The following IARS1 variants were observed in gnomAD, a reference collection of about 807,000 sequenced individuals.
IARS1 encodes isoleucyl-tRNA synthetase 1.
In IARS1, 124 loss-of-function variants were observed where a neutral mutation model predicts 168.2. The ratio of observed to expected loss-of-function variants is 0.74; its 90% confidence interval spans 0.64 to 0.86. The LOEUF (loss-of-function observed/expected upper bound fraction) is 0.86, where lower values mean the gene tolerates loss of function less well. Ranked by LOEUF, IARS1 falls within the 40% of genes least tolerant of loss-of-function variation. IARS1 has a pLI of 0.00. For synonymous variants in IARS1, 532 were observed against 529.4 expected (o/e 1.00, Z -0.07); for missense variants, 1,452 against 1,515.8 (o/e 0.96, Z 0.70).
intron 13 of IARS1, 88 bp from the exon 14 acceptor site, chr9:92,268,388 GCTTTGTGGACCAAACA>G: frequency 3.7e-6 from 5 of 1,349,570 alleles, no homozygotes; most frequent in Non-Finnish European, 5.2e-6. Flanking sequence ...TTTGTATAAC[GCTTTGTGGACCAAACA>G]CTCTGGAAAC....
chr9:92,210,958 T>C (rs1348331637), intron 33 of IARS1, 69 bp from the exon 34 acceptor site: 2 of 984,042 alleles, frequency 2.0e-6, no homozygotes, highest in African/African-American at 1.6e-5. Context: ...TTTAAAAAAA[T>C]GTTAACTGCT....
At chr9:92,214,465 G>A (rs1201299077) in intron 33 of IARS1, among the ~76,000 whole-genome samples, 2 of 152,154 alleles carry the variant, frequency 1.3e-5, no homozygotes, top group African/African-American at 4.8e-5. Flanking sequence ...CTCCCAGGGT[G>A]AGCGATGCAG....
chr9:92,284,461 C>T (rs1486210221), intron 6 of IARS1, among the ~76,000 whole-genome samples: 1 of 151,514 alleles, frequency 6.6e-6, no homozygotes, highest in Non-Finnish European at 1.5e-5. Context: ...TTTGCATGTC[C>T]CTGAAACTGT....
intron 7 of IARS1, among the ~76,000 whole-genome samples, chr9:92,279,579 A>G (rs761833335): frequency 6.6e-6 from 1 of 152,156 alleles, no homozygotes. Context: ...CTGGCACCCA[A>G]TCTTTCCCCA....
intron 24 of IARS1, 52 bp downstream of exon 24, chr9:92,250,135 C>T (rs1829795963): frequency 1.7e-6 from 2 of 1,201,054 alleles, no homozygotes; most frequent in Non-Finnish European, 1.2e-6. Flanking sequence ...GCATTCCAAA[C>T]ACTTAATTAA....
At chr9:92,289,171 C>T in intron 2 of IARS1, 130 bp downstream of exon 2, 1 of 521,872 alleles carries the variant, frequency 1.9e-6, no homozygotes. Context: ...TGCACCACTG[C>T]CCTCCAGCCT....
chr9:92,213,445 TG>T (rs1329622912), intron 33 of IARS1, among the ~76,000 whole-genome samples: 1 of 152,182 alleles, frequency 6.6e-6, no homozygotes, highest in Non-Finnish European at 1.5e-5. Context: ...CCAGGAGCTG[TG>T]AATGTTCACT....
intron 1 of IARS1, among the ~76,000 whole-genome samples, chr9:92,291,851 AC>A: frequency 6.6e-6 from 1 of 152,290 alleles, no homozygotes. Context: ...CCTCGCACCT[AC>A]GAGTCAGAAC....
chr9:92,228,976 T>C (rs758575339), intron 31 of IARS1, 25 bp downstream of exon 31: 2 of 1,613,430 alleles, frequency 1.2e-6, no homozygotes, highest in Non-Finnish European at 1.7e-6. Context: ...TCAAAGGACG[T>C]AGGCTCCTCT....
intron 18 of IARS1, among the ~76,000 whole-genome samples, chr9:92,259,809 A>T (rs1161562153): frequency 6.6e-6 from 1 of 152,204 alleles, no homozygotes; most frequent in African/African-American, 2.4e-5. Flanking sequence ...AATTAAAACA[A>T]ATGATGAAAG....
intron 30 of IARS1, among the ~76,000 whole-genome samples, chr9:92,232,408 T>C (rs1375050047): frequency 6.6e-6 from 1 of 152,194 alleles, no homozygotes; most frequent in East Asian, 1.9e-4. Context: ...ATAACTAGAA[T>C]AAGAGAAATG....
At chr9:92,264,895 A>G (rs1564178266) in intron 16 of IARS1, 34 bp downstream of exon 16, 1 of 1,567,070 alleles carries the variant, frequency 6.4e-7, no homozygotes. Flanking sequence ...AATAAAATCA[A>G]TAAAACACGT....
rs775406345 is a variant in IARS1 at position 92,253,417 on chromosome 9, T to C, written c.2174A>G (p.Lys725Arg). Reference sequence around the variant, plus strand: ...CCAATTGGTCAGAATATCTACAAACTTGACCAGGCGAGGCACCACAGTATA... The same window carrying C: ...CCAATTGGTCAGAATATCTACAAACCTGACCAGGCGAGGCACCACAGTATA... ...RLYTVVPRLV[K>R]FVDILTNWYV... The change falls in exon 21 of 34, where the codon AAG becomes AGG. Residue 725 changes from lysine (K) to arginine (R), a missense_variant. By Grantham distance (26) the Lys-to-Arg change is conservative. Coordinates refer to ENST00000443024, the MANE Select transcript of IARS1 (RefSeq NM_002161.6). 1 of 1,613,884 alleles carries C rather than the reference T, an allele frequency of 6.2e-7. No individual in the cohort carries two copies. The highest frequency in any genetic ancestry group is 2.2e-5 in the East Asian group (1 of 44,890).
intron 30 of IARS1, among the ~76,000 whole-genome samples, chr9:92,231,716 C>T (rs1049753548): frequency 6.6e-6 from 1 of 151,826 alleles, no homozygotes; most frequent in African/African-American, 2.4e-5. Flanking sequence ...GCGTGAGCCA[C>T]CGCACCCAGC....
chr9:92,211,852 T>C (rs1300910589), intron 33 of IARS1, among the ~76,000 whole-genome samples: 3 of 152,114 alleles, frequency 2.0e-5, no homozygotes, highest in African/African-American at 7.2e-5. Flanking sequence ...AGCAAGAATT[T>C]ACCAAAGACA....
At chr9:92,222,986 T>A (rs1839884587) in intron 32 of IARS1, among the ~76,000 whole-genome samples, 1 of 152,056 alleles carries the variant, frequency 6.6e-6, no homozygotes, top group South Asian at 2.1e-4. Context: ...GATCCTAAAA[T>A]ATCAGGAAAA....
At chr9:92,251,331 G>A (rs1010949676) in intron 22 of IARS1, among the ~76,000 whole-genome samples, 11 of 152,164 alleles carry the variant, frequency 7.2e-5, no homozygotes, top group Non-Finnish European at 1.0e-4. Context: ...AGTTGGAGCC[G>A]TTCCACTTTT....
chr9:92,212,300 C>T (rs866343079), intron 33 of IARS1, among the ~76,000 whole-genome samples: 4 of 151,946 alleles, frequency 2.6e-5, no homozygotes, highest in East Asian at 3.8e-4. Context: ...ATAATGAAAA[C>T]GAAGCTATAG....
In IARS1 at chr9:92,268,275, G is replaced by A. The variant is rs745932544; in HGVS notation, c.1330C>T (p.Arg444Ter). ...GCATCTTTCAGCCAATTTCCAAATC[G>A]TTTTTCTCGTACCAACTCTGGGACC... ...YWVPELVREK[R>*]FGNWLKDARD... is the part of the protein sequence containing the mutation. Residue 444 changes from arginine to a stop codon, truncating the protein, a stop_gained, in exon 14 of 34, where the codon CGA (arginine) becomes TGA (stop). Transcript: ENST00000443024. LOFTEE classifies it high-confidence loss of function. 8 of 1,610,762 alleles carry A rather than the reference G, an allele frequency of 5.0e-6. No homozygotes were observed. Among genetic ancestry groups the A allele is most frequent in the South Asian group, 1.1e-5 (1 of 90,308 alleles).
Sources: gnomAD v4.1 joint callset for allele counts (sites outside exome capture counted in the v4.1 genomes callset) on GRCh38, gnomAD v4.1.1 for gene constraint, MANE v1.5 for transcripts, NCBI Gene and HGNC (gene_info 2026-07-23, HGNC 2026-07-21) for gene names.